The following MAPK8 variants were observed in gnomAD, a reference collection of about 807,000 sequenced individuals.
The protein encoded by MAPK8 is mitogen-activated protein kinase 8.
Under a neutral mutation model 52.9 loss-of-function variants are expected in MAPK8, and 13 were observed. The ratio of observed to expected loss-of-function variants is 0.25; its 90% CI spans 0.16 to 0.39. The LOEUF is 0.39. Among genes scored for constraint, MAPK8 ranks in the 10% least tolerant of loss-of-function variants. The pLI is 1.00. For missense variants in MAPK8, 300 were observed against 519.2 expected, an observed-to-expected ratio of 0.58 and a Z score of 4.10; for synonymous variants, 191 against 169.8, an observed-to-expected ratio of 1.12 and a Z score of -0.97.
intron 1 of MAPK8, among the ~76,000 whole-genome samples, chr10:48,361,615 C>T (rs1056794296): frequency 6.6e-6 from 1 of 152,018 alleles, no homozygotes; most frequent in African/African-American, 2.4e-5. Flanking sequence ...AAGTTTTTAC[C>T]ACTTCATACT....
chr10:48,353,556 C>T (rs1384078940), intron 1 of MAPK8, among the ~76,000 whole-genome samples: 1 of 152,114 alleles, frequency 6.6e-6, no homozygotes, highest in African/African-American at 2.4e-5. Context: ...TTGACCTAAA[C>T]CTTGTGCAAA....
chr10:48,433,411 TATACC>T (rs1268958407), intron 11 of MAPK8, among the ~76,000 whole-genome samples: 1 of 152,218 alleles, frequency 6.6e-6, no homozygotes. Context: ...GGTACACAGA[TATACC>T]ATACTGTTCA....
At chr10:48,404,804 G>T (rs762363925) in intron 2 of MAPK8, 48 bp from the exon 3 acceptor site, 2 of 1,505,996 alleles carry the variant, frequency 1.3e-6, no homozygotes, top group South Asian at 2.4e-5. Context: ...TCAGTTTACA[G>T]ATTTTTGCTT....
chr10:48,364,214 A>G (rs1280453240), intron 1 of MAPK8, among the ~76,000 whole-genome samples: 3 of 152,252 alleles, frequency 2.0e-5, no homozygotes, highest in Non-Finnish European at 1.5e-5. Flanking sequence ...ACTAAAGAGG[A>G]TATTTTCATC....
chr10:48,399,892 A>G (rs1290076754), intron 1 of MAPK8, among the ~76,000 whole-genome samples: 13 of 152,234 alleles, frequency 8.5e-5, no homozygotes, highest in Non-Finnish European at 1.5e-5. Context: ...CTTTGTGCTC[A>G]GCCTCTGCTC....
chr10:48,319,418 A>C (rs895293167), intron 1 of MAPK8, among the ~76,000 whole-genome samples: 3 of 150,606 alleles, frequency 2.0e-5, no homozygotes, highest in Non-Finnish European at 4.4e-5. Flanking sequence ...CTTCACACAC[A>C]CCCCCTCCTC....
intron 1 of MAPK8, among the ~76,000 whole-genome samples, chr10:48,328,522 C>T (rs1303781219): frequency 1.3e-5 from 2 of 152,122 alleles, no homozygotes; most frequent in Admixed American, 6.5e-5. Flanking sequence ...TGTATTTCAA[C>T]CTGTACTTAT....
chr10:48,315,734 TTTA>T (rs1229231052), intron 1 of MAPK8, among the ~76,000 whole-genome samples: 11 of 151,226 alleles, frequency 7.3e-5, no homozygotes, highest in Admixed American at 2.0e-4. Flanking sequence ...CTGTAGAATA[TTTA>T]TTATTTCTAA....
At chr10:48,425,304 G>T in intron 7 of MAPK8, 1 of 583,322 alleles carries the variant, frequency 1.7e-6, no homozygotes, top group Non-Finnish European at 3.1e-6. Flanking sequence ...TTACAACTTA[G>T]CAAAAAACTG....
At chr10:48,320,561 A>G (rs2132147023) in intron 1 of MAPK8, among the ~76,000 whole-genome samples, 1 of 152,100 alleles carries the variant, frequency 6.6e-6, no homozygotes, top group African/African-American at 2.4e-5. Flanking sequence ...TTATGGTGAA[A>G]TATTATTTGG....
At position 48,435,135 on chromosome 10, in the gene MAPK8, A is replaced by T. The variant is rs547238183; in HGVS notation, c.*106A>T. On this transcript the variant is annotated 3_prime_UTR_variant, in exon 12 of 12. Coordinates refer to ENST00000374189, the MANE Select transcript of MAPK8 (RefSeq NM_001323329.2). ...CTTATTTTTGGGTGATTTTTCAAAA[A>T]ATGTAGAATTCATTTTGTAGTAAAG... 4.6e-6 allele frequency: 4 copies of T among 877,342 alleles called. No homozygotes were observed. In the East Asian group the frequency reaches 1.1e-4, roughly 24 times the overall value. The allele number at this position is 877,342 out of a possible 1,614,324, so 54.3% of individuals were successfully genotyped here. A position where few individuals can be genotyped will look rare whatever the true frequency, so the allele number is the denominator to read the frequency against.
intron 1 of MAPK8, among the ~76,000 whole-genome samples, chr10:48,324,942 G>A (rs1843354510): frequency 6.6e-6 from 1 of 151,810 alleles, no homozygotes; most frequent in Non-Finnish European, 1.5e-5. Flanking sequence ...TTTCATTTGG[G>A]CTTGCAAATG....
At chr10:48,409,321 A>C (rs2133067910) in intron 3 of MAPK8, among the ~76,000 whole-genome samples, 1 of 152,338 alleles carries the variant, frequency 6.6e-6, no homozygotes, top group Middle Eastern at 3.4e-3. Flanking sequence ...GAGAGGGCAC[A>C]CTGGAAAAGT....
At chr10:48,319,469 T>G (rs1005291128) in intron 1 of MAPK8, among the ~76,000 whole-genome samples, 1 of 152,120 alleles carries the variant, frequency 6.6e-6, no homozygotes, top group Non-Finnish European at 1.5e-5. Flanking sequence ...TTCTTCTCTA[T>G]AGTTTTGTTC....
chr10:48,310,350 G>C (rs1841852451), intron 1 of MAPK8, among the ~76,000 whole-genome samples: 1 of 152,170 alleles, frequency 6.6e-6, no homozygotes, highest in African/African-American at 2.4e-5. Context: ...GTTAAGAACA[G>C]TAGTCAAAGT....
In MAPK8 at chr10:48,426,438, C is replaced by T; in HGVS notation, c.930C>T (p.Ile310=). Residue 310 remains isoleucine (I), a synonymous_variant, in exon 9 of 12, where the codon ATC becomes ATT. Coordinates refer to ENST00000374189, the MANE Select transcript of MAPK8 (RefSeq NM_001323329.2). ...KMLVIDASKR[I]SVDEALQHPY... Reference sequence around the variant, plus strand: ...TGGTAATAGATGCATCTAAAAGGATCTCTGTAGATGAAGCTCTCCAACACC... The same window carrying T: ...TGGTAATAGATGCATCTAAAAGGATTTCTGTAGATGAAGCTCTCCAACACC... 1.9e-6 allele frequency: 3 copies of T among 1,611,528 alleles called. No individual in the cohort carries two copies. The highest frequency in any genetic ancestry group is 2.2e-5 in the South Asian group (2 of 90,594).
chr10:48,307,836 T>C (rs574271613), intron 1 of MAPK8, among the ~76,000 whole-genome samples: 1 of 152,184 alleles, frequency 6.6e-6, no homozygotes, highest in Non-Finnish European at 1.5e-5. Context: ...AGCAGCTGTT[T>C]AGTACCGTAC....
intron 1 of MAPK8, among the ~76,000 whole-genome samples, chr10:48,399,109 G>A (rs1406945364): frequency 6.6e-6 from 1 of 152,128 alleles, no homozygotes; most frequent in Non-Finnish European, 1.5e-5. Flanking sequence ...AGGAGTATCT[G>A]TTCCTGAGCC....
At chr10:48,355,337 A>G (rs1228485272) in intron 1 of MAPK8, among the ~76,000 whole-genome samples, 1 of 152,008 alleles carries the variant, frequency 6.6e-6, no homozygotes, top group Non-Finnish European at 1.5e-5. Flanking sequence ...GCGAAACCCC[A>G]TCTCTACTAA....
Sources: gnomAD v4.1 joint callset for allele counts (sites outside exome capture counted in the v4.1 genomes callset) on GRCh38, gnomAD v4.1.1 for gene constraint, MANE v1.5 for transcripts, NCBI Gene and HGNC (gene_info 2026-07-23, HGNC 2026-07-21) for gene names.